KLHL13: variants seen among roughly 807,000 people sequenced by gnomAD.
KLHL13 encodes the protein kelch like family member 13.
KLHL13 carries 10 observed loss-of-function variants against 37.1 expected under a neutral mutation model. The observed-to-expected ratio is 0.27, with a 90% CI of 0.17 to 0.46. KLHL13 has a LOEUF of 0.46. KLHL13 is among the 20% of genes least tolerant of loss of function. The pLI is 1.00. For synonymous variants in KLHL13, 163 were observed against 181.2 expected (o/e 0.90, Z 0.81); for missense variants, 360 against 509.3 (o/e 0.71, Z 2.82).
At position 118,051,397 on chromosome X, in the gene KLHL13, C is replaced by T. The variant is rs995703309; in HGVS notation, c.-56+65111G>A. Among the ~76,000 whole-genome samples the T allele has an allele frequency of 6.4e-5, 7 of 108,796 alleles. No homozygotes were observed. In the East Asian group the frequency reaches 1.1e-3, roughly 18 times the overall value. 94.5% of individuals were successfully genotyped at this position (108,796 alleles called of 115,157 possible). ...CTACTGAAAATACAAAAAAATTGGCCGGGCGTGGTGGCGGGCACCTGTAGT... is the reference window on the plus strand; with the variant it reads ...CTACTGAAAATACAAAAAAATTGGCTGGGCGTGGTGGCGGGCACCTGTAGT... On this transcript the variant is annotated intron_variant, in intron 1 of 6. Coordinates refer to the KLHL13 transcript ENST00000371882.
intron 1 of KLHL13, among the ~76,000 whole-genome samples, chrX:117,993,961 C>G (rs2053824689): frequency 9.1e-6 from 1 of 109,969 alleles, no homozygotes; most frequent in African/African-American, 3.3e-5. Context: ...GTCTCGAACT[C>G]CCGACCTCAG....
chrX:117,910,176 G>T, intron 4 of KLHL13, 80 bp from the exon 6 acceptor site: 1 of 658,338 alleles, frequency 1.5e-6, no homozygotes, highest in Non-Finnish European at 2.2e-6. Flanking sequence ...ACCTGTTCTA[G>T]AATAAGAGTA....
chrX:118,065,596 C>T (rs879064153), intron 1 of KLHL13, among the ~76,000 whole-genome samples: 1 of 111,547 alleles, frequency 9.0e-6, no homozygotes, highest in Non-Finnish European at 1.9e-5. Flanking sequence ...AGCCAGTCTT[C>T]AGAAAGACAG....
chrX:118,034,138 A>T (rs1383712356), intron 1 of KLHL13, among the ~76,000 whole-genome samples: 7 of 99,972 alleles, frequency 7.0e-5, no homozygotes, highest in Non-Finnish European at 1.4e-4. Flanking sequence ...ACACATTAAT[A>T]ATGGGAGACT....
intron 1 of KLHL13, among the ~76,000 whole-genome samples, chrX:118,074,854 T>C (rs889685004): frequency 8.9e-6 from 1 of 111,831 alleles, no homozygotes; most frequent in African/African-American, 3.2e-5. Context: ...TCCCGAAGTG[T>C]TCCCTTCCCT....
chrX:117,917,326 T>C lies in KLHL13; in HGVS notation c.570+2195A>G, dbSNP rs751267237. Among the ~76,000 whole-genome samples the C allele has an allele frequency of 3.6e-5, 4 of 110,820 alleles. No homozygotes were observed. In the South Asian group the frequency reaches 1.5e-3, roughly 42 times the overall value. On this transcript the variant is annotated intron_variant, in intron 4 of 6. Coordinates refer to ENST00000262820, the Ensembl canonical transcript of KLHL13. The stretch of plus-strand genomic sequence containing the variant: ...GCAAGAAAATTCTAAAACTGAGAGG[T>C]AGGAGTAAACTCTATCACAAGTAAT...
intron 1 of KLHL13, among the ~76,000 whole-genome samples, chrX:117,948,796 A>T (rs1304485239): frequency 8.9e-6 from 1 of 111,990 alleles, no homozygotes; most frequent in Non-Finnish European, 1.9e-5. Flanking sequence ...AGTGTACGTG[A>T]ATCACTCAAC....
chrX:118,030,488 C>T (rs1299621032), intron 1 of KLHL13, among the ~76,000 whole-genome samples: 1 of 111,541 alleles, frequency 9.0e-6, no homozygotes, highest in Non-Finnish European at 1.9e-5. Flanking sequence ...ATGAAACATA[C>T]AGGTCCTGAA....
intron 1 of KLHL13, among the ~76,000 whole-genome samples, chrX:118,018,552 T>G (rs1251225331): frequency 8.9e-6 from 1 of 111,945 alleles, no homozygotes; most frequent in East Asian, 2.8e-4. Context: ...TTTGCCAAAT[T>G]TTTAAATATC....
At position 117,957,877 on chromosome X, in the gene KLHL13, T is replaced by C. The variant is rs748078141; in HGVS notation, c.99-12302A>G. Among the ~76,000 whole-genome samples the C allele has an allele frequency of 9.6e-4, 107 of 111,674 alleles. 1 individual carries two copies. The highest frequency in any genetic ancestry group is 1.8e-3 in the Non-Finnish European group (94 of 53,046). ...CATTATGATGAACAGCATGCAAAAATAAGTCAAATAACTCTTAACTTTGAG... is the reference window on the plus strand; with the variant it reads ...CATTATGATGAACAGCATGCAAAAACAAGTCAAATAACTCTTAACTTTGAG... On this transcript the variant is annotated intron_variant, in intron 1 of 6. Coordinates refer to ENST00000262820, the Ensembl canonical transcript of KLHL13.
chrX:118,081,215 C>T (rs919201561), intron 1 of KLHL13, among the ~76,000 whole-genome samples: 1 of 111,435 alleles, frequency 9.0e-6, no homozygotes, highest in Admixed American at 9.6e-5. Context: ...CATATGTGTA[C>T]ACCCTGTATC....
intron 2 of KLHL13, among the ~76,000 whole-genome samples, chrX:117,924,845 G>A (rs191656229): frequency 1.5e-3 from 168 of 110,420 alleles, no homozygotes; most frequent in Admixed American, 9.2e-3. Flanking sequence ...GAAAAATAGC[G>A]TCATTTAATG....
At chrX:118,031,625 GTATATATATTTAGTTATA>G (rs1310308901) in intron 1 of KLHL13, among the ~76,000 whole-genome samples, 6 of 85,177 alleles carry the variant, frequency 7.0e-5, no homozygotes, top group Non-Finnish European at 1.1e-4. Flanking sequence ...ATATTTAGTT[GTATATATATTTAGTTATA>G]TATATATATT....
At chrX:118,031,550 A>ATTTAGT (rs2054344983) in intron 1 of KLHL13, among the ~76,000 whole-genome samples, 2 of 94,888 alleles carry the variant, frequency 2.1e-5, no homozygotes, top group African/African-American at 7.9e-5. Flanking sequence ...TTAGTTATAT[A>ATTTAGT]TATATTTAGT....
At chrX:117,921,987 C>T (rs1340386909) in intron 2 of KLHL13, among the ~76,000 whole-genome samples, 2 of 112,142 alleles carry the variant, frequency 1.8e-5, no homozygotes, top group East Asian at 5.6e-4. Flanking sequence ...AAATCTTTCA[C>T]AAATGCCCCT....
At chrX:118,097,879 T>G (rs750020215) in intron 1 of KLHL13, among the ~76,000 whole-genome samples, 252 of 111,732 alleles carry the variant, frequency 2.3e-3, no homozygotes, top group African/African-American at 6.2e-3. Context: ...TAGCCATATG[T>G]AGAAAGCTGA....
chrX:118,089,832 A>T (rs1454083319), intron 1 of KLHL13, among the ~76,000 whole-genome samples: 2 of 110,641 alleles, frequency 1.8e-5, no homozygotes, highest in East Asian at 5.7e-4. Context: ...TTATCCCAGC[A>T]TTTTGGGAGG....
At chrX:117,931,175 A>T (rs1932431745) in intron 2 of KLHL13, among the ~76,000 whole-genome samples, 1 of 112,011 alleles carries the variant, frequency 8.9e-6, no homozygotes, top group Non-Finnish European at 1.9e-5. Flanking sequence ...TGACTTTAGA[A>T]CTAAAAATGA....
intron 1 of KLHL13, among the ~76,000 whole-genome samples, chrX:118,116,271 C>A: frequency 8.9e-6 from 1 of 111,944 alleles, no homozygotes; most frequent in Non-Finnish European, 1.9e-5. Context: ...AGAACCCAGG[C>A]GTCCGACGGA....
Sources: allele counts gnomAD v4.1 joint callset (sites outside exome capture counted in the v4.1 genomes callset), GRCh38; gene constraint gnomAD v4.1.1; transcripts MANE v1.5; gene names NCBI Gene and HGNC (gene_info 2026-07-23, HGNC 2026-07-21).